The following TENM1 variants were observed in gnomAD, a reference collection of about 807,000 sequenced individuals.
TENM1 encodes teneurin-1.
TENM1 carries 35 observed loss-of-function variants against 174.8 expected under a neutral mutation model. The observed-to-expected ratio is 0.20, with a 90% confidence interval of 0.15 to 0.27. The LOEUF (loss-of-function observed/expected upper bound fraction) is 0.27. TENM1 is among the 10% of genes least tolerant of loss of function. The pLI, the probability that TENM1 is intolerant of heterozygous loss-of-function variation, is 1.00. For missense variants in TENM1, 1,633 were observed against 2,130.1 expected (o/e 0.77, Z 4.59); for synonymous variants, 781 against 798.7 (o/e 0.98, Z 0.37).
intron 18 of TENM1, among the ~76,000 whole-genome samples, chrX:124,507,712 T>A (rs1214581900): frequency 8.9e-6 from 1 of 111,769 alleles, no homozygotes; most frequent in Non-Finnish European, 1.9e-5. Context: ...CATTCATCTA[T>A]AAGGGCTAGG....
In TENM1 at chrX:124,467,894, G is replaced by A. The variant is rs537712520; in HGVS notation, c.3949+13838C>T. Among the ~76,000 whole-genome samples the A allele has an allele frequency of 5.1e-4, 56 of 110,145 alleles. No individual in the cohort carries two copies. In the South Asian group the frequency reaches 0.02, roughly 40 times the overall value. On this transcript the variant is annotated intron_variant, in intron 22 of 31. Coordinates refer to ENST00000422452, the Ensembl canonical transcript of TENM1. ...CCGCCTCAGCCTCCCGAGTAGCTAG[G>A]ATTACAGGCACACGCCACCATGCCC... is the stretch of plus-strand genomic sequence containing the variant.
At chrX:124,527,798 G>A (rs1443250007) in intron 16 of TENM1, among the ~76,000 whole-genome samples, 3 of 102,720 alleles carry the variant, frequency 2.9e-5, no homozygotes, top group African/African-American at 7.2e-5. Flanking sequence ...ACAGGCGCCC[G>A]CCACCACGCC....
At chrX:125,023,011 A>G in the TENM1 span, among the ~76,000 whole-genome samples, 1 of 111,628 alleles carries the variant, frequency 9.0e-6, no homozygotes, top group Non-Finnish European at 1.9e-5. Context: ...TCTGAAAACC[A>G]CAAGTATAAG....
the TENM1 span, among the ~76,000 whole-genome samples, chrX:124,984,480 T>C: frequency 3.6e-5 from 4 of 112,243 alleles, no homozygotes; most frequent in East Asian, 1.1e-3. Flanking sequence ...TTAGGTCCCA[T>C]AGTAGACCAT....
chrX:124,431,920 T>G (rs1320419393), intron 23 of TENM1, among the ~76,000 whole-genome samples: 3 of 112,139 alleles, frequency 2.7e-5, no homozygotes, highest in African/African-American at 9.7e-5. Context: ...AACTGACACT[T>G]AAGTTGCATT....
chrX:125,042,890 G>T, the TENM1 span, among the ~76,000 whole-genome samples: 1 of 111,331 alleles, frequency 9.0e-6, no homozygotes, highest in African/African-American at 3.3e-5. Flanking sequence ...CCAAAAGTCA[G>T]ATTCAGGCCT....
chrX:124,481,695 G>GTATATATATATATATATATATA (rs761348190), intron 22 of TENM1, 37 bp downstream of exon 25: 4 of 263,943 alleles, frequency 1.5e-5, no homozygotes, highest in African/African-American at 7.1e-5. Flanking sequence ...TGACCCAAGG[G>GTATATATATATATATATATATA]TATATATATA....
rs2060293023 is a variant in TENM1, at chrX:124,392,484, C to T, written c.5392-136G>A. ...CTCTGAAGCCTCACGGCTTCACATT[C>T]CACAGATGCCACCTGTCTTTATTCC... On this transcript the variant is annotated intron_variant, in intron 27 of 31. Transcript: ENST00000422452. The T allele has an allele frequency of 1.3e-5, 6 of 471,883 alleles. No individual in the cohort carries two copies. In the African/African-American group the frequency reaches 1.5e-4, roughly 11 times the overall value. The allele number at this position is 471,883 out of a possible 1,213,427, so 38.9% of individuals were successfully genotyped here. A position where few individuals can be genotyped will look rare whatever the true frequency, so the allele number is the denominator to read the frequency against.
chrX:124,550,414 G>A (rs1025927102), intron 14 of TENM1, among the ~76,000 whole-genome samples: 1 of 111,966 alleles, frequency 8.9e-6, no homozygotes, highest in African/African-American at 3.2e-5. Context: ...TTGAAAACAC[G>A]TACAGATTAG....
intron 3 of TENM1, among the ~76,000 whole-genome samples, chrX:124,872,438 C>G (rs1204798836): frequency 1.8e-5 from 2 of 111,734 alleles, no homozygotes; most frequent in Admixed American, 1.9e-4. Context: ...TTTTTACCAA[C>G]AAACTAACTT....
At chrX:124,681,610 G>A in intron 5 of TENM1, among the ~76,000 whole-genome samples, 1 of 111,451 alleles carries the variant, frequency 9.0e-6, no homozygotes, top group Non-Finnish European at 1.9e-5. Context: ...GTAAAGGGAG[G>A]CAGTTGTCAT....
chrX:124,731,119 T>G (rs1373490430), intron 4 of TENM1, among the ~76,000 whole-genome samples: 2 of 111,295 alleles, frequency 1.8e-5, no homozygotes, highest in African/African-American at 6.5e-5. Flanking sequence ...AAAATAATGC[T>G]AAGAAGAATT....
chrX:124,453,544 T>G, intron 22 of TENM1, 53 bp from the exon 26 acceptor site: 1 of 1,088,282 alleles, frequency 9.2e-7, no homozygotes, highest in Non-Finnish European at 1.2e-6. Flanking sequence ...ACATTTGCAC[T>G]AAGCTCTGTA....
At chrX:124,625,393 A>T (rs920189034) in intron 11 of TENM1, among the ~76,000 whole-genome samples, 7 of 111,104 alleles carry the variant, frequency 6.3e-5, no homozygotes, top group African/African-American at 2.3e-4. Flanking sequence ...GATTAGAAAG[A>T]ATAAGTTTAA....
the TENM1 span, among the ~76,000 whole-genome samples, chrX:125,078,191 T>C: frequency 8.9e-6 from 1 of 111,870 alleles, no homozygotes; most frequent in Admixed American, 9.5e-5. Context: ...AAAGAAGCTT[T>C]AGATTTAGAT....
Position 124,869,062 on chromosome X carries a change from CAA to C in TENM1, c.535+25232_535+25233del, listed in dbSNP as rs146594515. Among the ~76,000 whole-genome samples, 15 of 52,771 alleles carry C rather than the reference CAA, an allele frequency of 2.8e-4. 1 individual carries two copies. Among genetic ancestry groups the C allele is most frequent in the African/African-American group, 5.6e-4 (8 of 14,348 alleles). The allele number at this position is 52,771 out of a possible 115,157, so 45.8% of individuals were successfully genotyped here. A position where few individuals can be genotyped will look rare whatever the true frequency, so the allele number is the denominator to read the frequency against. On this transcript the variant is annotated intron_variant, in intron 3 of 31. Coordinates refer to ENST00000422452, the Ensembl canonical transcript of TENM1. The stretch of plus-strand genomic sequence containing the variant: ...CAACATGGTGAAATACCGTCTCTAC[CAA>C]AAAAAAAAAAAAAAAAAAATTAGCC...
intron 3 of TENM1, among the ~76,000 whole-genome samples, chrX:124,769,683 G>A (rs1473605440): frequency 2.7e-5 from 3 of 112,058 alleles, no homozygotes; most frequent in Admixed American, 9.5e-5. Flanking sequence ...AAGATTTTGC[G>A]TAAAGTTAAA....
Position 124,593,486 on chromosome X carries a change from G to A in TENM1, c.2078-27926C>T, listed in dbSNP as rs1397334598. On this transcript the variant is annotated intron_variant, in intron 11 of 31. Transcript: ENST00000422452. ...CCCTGCGGCACCTCAATTTATGTCCGTGAAGGGTGAGGCGGCTCAGGCTGC... is the reference window on the plus strand; with the variant it reads ...CCCTGCGGCACCTCAATTTATGTCCATGAAGGGTGAGGCGGCTCAGGCTGC... 4.5e-5 allele frequency among the ~76,000 whole-genome samples: 5 copies of A among 111,118 alleles called. No homozygotes were observed. The East Asian group carries it at 1.1e-3, about 26-fold the overall frequency.
intron 11 of TENM1, among the ~76,000 whole-genome samples, chrX:124,629,782 A>G (rs1005764702): frequency 2.7e-5 from 3 of 112,113 alleles, no homozygotes; most frequent in African/African-American, 9.7e-5. Flanking sequence ...GATAGTCAAG[A>G]AAAAGGTCCC....
Sources: allele counts gnomAD v4.1 joint callset (sites outside exome capture counted in the v4.1 genomes callset), GRCh38; gene constraint gnomAD v4.1.1; transcripts MANE v1.5; gene names NCBI Gene and HGNC (gene_info 2026-07-23, HGNC 2026-07-21).